The following THEMIS variants were observed in gnomAD, a reference collection of about 807,000 sequenced individuals.
THEMIS encodes the protein thymocyte selection associated, also known as protein THEMIS.
In THEMIS, 37 loss-of-function variants were observed where a neutral mutation model predicts 52.6. That is an observed-to-expected ratio of 0.70 (90% CI 0.54 to 0.93). The LOEUF is 0.93. Among genes scored for constraint, THEMIS ranks in the 40% least tolerant of loss-of-function variants. The pLI, the probability that THEMIS is intolerant of heterozygous loss-of-function variation, is 0.00. For synonymous variants in THEMIS, 292 were observed against 272.7 expected, an observed-to-expected ratio of 1.07 and a Z score of -0.70; for missense variants, 808 against 763.1, an observed-to-expected ratio of 1.06 and a Z score of -0.69.
chr6:127,790,213 G>A (rs1465833671), intron 4 of THEMIS, among the ~76,000 whole-genome samples: 4 of 152,158 alleles, frequency 2.6e-5, no homozygotes, highest in Admixed American at 2.0e-4. Flanking sequence ...AAAATCACAA[G>A]CATTCCTATA....
intron 4 of THEMIS, among the ~76,000 whole-genome samples, chr6:127,766,279 C>T (rs1328006510): frequency 1.3e-5 from 2 of 152,156 alleles, no homozygotes; most frequent in South Asian, 2.1e-4. Context: ...GTGAATTTCG[C>T]ACATTCCATG....
chr6:127,755,780 A>T (rs1775801993), intron 4 of THEMIS, among the ~76,000 whole-genome samples: 1 of 152,078 alleles, frequency 6.6e-6, no homozygotes, highest in South Asian at 2.1e-4. Flanking sequence ...CACTTGTGAC[A>T]CCAGCACTTT....
chr6:127,808,918 C>T (rs1294181753), intron 4 of THEMIS, among the ~76,000 whole-genome samples: 3 of 152,206 alleles, frequency 2.0e-5, no homozygotes, highest in Admixed American at 1.3e-4. Flanking sequence ...TCATAACCAA[C>T]CGCAGATACC....
intron 1 of THEMIS, among the ~76,000 whole-genome samples, chr6:127,888,529 A>T (rs1780711649): frequency 6.6e-6 from 1 of 152,132 alleles, no homozygotes; most frequent in Admixed American, 6.6e-5. Flanking sequence ...TATAAAAATT[A>T]TAACAGAATA....
At position 127,813,006 on chromosome 6, in the gene THEMIS, T is replaced by A; in HGVS notation, c.1635A>T (p.Arg545Ser). The A allele has an allele frequency of 6.2e-7, 1 of 1,614,034 alleles. No homozygotes were observed. Among genetic ancestry groups the A allele is most frequent in the Non-Finnish European group, 8.5e-7 (1 of 1,179,962 alleles). Residue 545 changes from arginine (R) to serine (S), a missense_variant, in exon 4 of 6, where the codon AGA (arginine) becomes AGT (serine). By Grantham distance (110) the Arg-to-Ser change is moderately radical. Transcript: ENST00000368248. ...ITEEQYYMMR[R>S]YESSASHPPP... ...GGGGATGTGAGGCTGAGCTTTCATA[T>A]CTCCGCATCATGTAATATTGCTCTT...
chr6:127,699,724 A>G, the THEMIS span, among the ~76,000 whole-genome samples: 3 of 149,548 alleles, frequency 2.0e-5, no homozygotes, highest in African/African-American at 7.4e-5. Flanking sequence ...TTAAATATCT[A>G]TTTGGGGAAA....
At chr6:127,876,836 A>G (rs1157729235) in intron 1 of THEMIS, among the ~76,000 whole-genome samples, 2 of 152,202 alleles carry the variant, frequency 1.3e-5, no homozygotes, top group East Asian at 3.8e-4. Flanking sequence ...TTTTAAGATT[A>G]TTATAATACC....
At chr6:127,754,858 G>C (rs1358850789) in intron 4 of THEMIS, among the ~76,000 whole-genome samples, 2 of 151,630 alleles carry the variant, frequency 1.3e-5, no homozygotes, top group Non-Finnish European at 2.9e-5. Flanking sequence ...TGAATAAACT[G>C]TCTATAAATT....
chr6:127,776,250 C>T (rs1776561638), intron 4 of THEMIS, among the ~76,000 whole-genome samples: 1 of 152,224 alleles, frequency 6.6e-6, no homozygotes, highest in South Asian at 2.1e-4. Flanking sequence ...TCACTGGCTC[C>T]TGCATTTAGG....
intron 4 of THEMIS, among the ~76,000 whole-genome samples, chr6:127,768,258 C>A (rs764368759): frequency 5.9e-5 from 9 of 151,982 alleles, no homozygotes; most frequent in Non-Finnish European, 1.0e-4. Context: ...GTTAACTAAC[C>A]TTATTTGTAT....
chr6:127,716,147 G>A (rs1774151555), intron 5 of THEMIS, among the ~76,000 whole-genome samples: 1 of 151,880 alleles, frequency 6.6e-6, no homozygotes, highest in Non-Finnish European at 1.5e-5. Context: ...TGGATCAGGA[G>A]AGTATAACAT....
At chr6:127,772,513 G>T (rs1039555701) in intron 4 of THEMIS, among the ~76,000 whole-genome samples, 1 of 151,968 alleles carries the variant, frequency 6.6e-6, no homozygotes, top group African/African-American at 2.4e-5. Flanking sequence ...AAAAGTTCTA[G>T]CATCTGAGCT....
chr6:127,797,273 T>C (rs1409892366), intron 4 of THEMIS, among the ~76,000 whole-genome samples: 3 of 152,200 alleles, frequency 2.0e-5, no homozygotes, highest in Admixed American at 6.5e-5. Flanking sequence ...ACCCTTTTTT[T>C]CATAGGTCAC....
intron 4 of THEMIS, among the ~76,000 whole-genome samples, chr6:127,768,287 C>G (rs1215289281): frequency 6.6e-6 from 1 of 152,088 alleles, no homozygotes; most frequent in Non-Finnish European, 1.5e-5. Flanking sequence ...TTCAGCTTCC[C>G]TCCCTTCTAA....
Position 127,724,578 on chromosome 6 carries a change from T to C in THEMIS, c.1759-4755A>G, listed in dbSNP as rs118032635. ...ATGCATCAGTCCTCTGTGACCACGCTGTAGTCGTACTTCAAAAAATAAGGT... is the reference window on the plus strand; with the variant it reads ...ATGCATCAGTCCTCTGTGACCACGCCGTAGTCGTACTTCAAAAAATAAGGT... On this transcript the variant is annotated intron_variant, in intron 4 of 5. Transcript: ENST00000368248. 6.8e-3 allele frequency among the ~76,000 whole-genome samples: 1,037 copies of C among 152,270 alleles called. 8 individuals carry two copies. The highest frequency in any genetic ancestry group is 0.012 in the Non-Finnish European group (784 of 67,994).
chr6:127,751,698 A>G (rs751002326), intron 4 of THEMIS, among the ~76,000 whole-genome samples: 4 of 151,690 alleles, frequency 2.6e-5, no homozygotes, highest in African/African-American at 4.8e-5. Flanking sequence ...ATACTGAACT[A>G]TATAAAAAAG....
chr6:127,887,853 C>T (rs542131932), intron 1 of THEMIS, among the ~76,000 whole-genome samples: 2 of 151,988 alleles, frequency 1.3e-5, no homozygotes, highest in East Asian at 3.9e-4. Flanking sequence ...ATAAATTATA[C>T]CTTGATAAAA....
chr6:127,895,859 T>C (rs897314285), intron 1 of THEMIS, among the ~76,000 whole-genome samples: 3 of 151,174 alleles, frequency 2.0e-5, no homozygotes, highest in Non-Finnish European at 3.0e-5. Context: ...ACCAAGAAGT[T>C]CCGTAAGTTC....
At chr6:127,828,677 G>C (rs1191869671) in intron 3 of THEMIS, among the ~76,000 whole-genome samples, 1 of 152,174 alleles carries the variant, frequency 6.6e-6, no homozygotes, top group Non-Finnish European at 1.5e-5. Flanking sequence ...ACGCCGGGCC[G>C]GGCGCGATGG....
Sources: allele counts gnomAD v4.1 joint callset (sites outside exome capture counted in the v4.1 genomes callset), GRCh38; gene constraint gnomAD v4.1.1; transcripts MANE v1.5; gene names NCBI Gene and HGNC (gene_info 2026-07-23, HGNC 2026-07-21).